PAX5: variants seen among roughly 807,000 people sequenced by gnomAD.
PAX5 encodes the protein paired box 5.
PAX5 carries 9 observed loss-of-function variants against 43.7 expected under a neutral mutation model. The ratio of observed to expected loss-of-function variants is 0.21; its 90% CI spans 0.12 to 0.36. The LOEUF is 0.36. PAX5 is among the 10% of genes least tolerant of loss of function. PAX5 has a pLI of 1.00. For missense variants in PAX5, 383 were observed against 532.7 expected (o/e 0.72, Z 2.77); for synonymous variants, 228 against 214.3 (o/e 1.06, Z -0.56).
chr9:36,856,230 G>T (rs752961702), intron 8 of PAX5, among the ~76,000 whole-genome samples: 18 of 152,246 alleles, frequency 1.2e-4, no homozygotes, highest in Non-Finnish European at 2.4e-4. Context: ...AACAGAAAAG[G>T]TCGTGAAATC....
chr9:36,966,101 G>A (rs760503973), intron 6 of PAX5, among the ~76,000 whole-genome samples: 1 of 152,164 alleles, frequency 6.6e-6, no homozygotes, highest in Non-Finnish European at 1.5e-5. Flanking sequence ...CTGGTGAGAG[G>A]GCAGACAGTG....
At chr9:36,992,077 T>C (rs959033987) in intron 5 of PAX5, among the ~76,000 whole-genome samples, 10 of 151,970 alleles carry the variant, frequency 6.6e-5, no homozygotes, top group African/African-American at 2.4e-4. Context: ...AACTAGAAAT[T>C]TCAAAGTAAA....
In PAX5 at chr9:36,869,810, A is replaced by AGATG. The variant is rs1378193665; in HGVS notation, c.1012+12190_1012+12193dup. On this transcript the variant is annotated intron_variant, in intron 8 of 9. Coordinates refer to ENST00000358127, the MANE Select transcript of PAX5 (RefSeq NM_016734.3). ...ATAGTGGATGGATGGGTGGATAAAT[A>AGATG]GATGGATGGATGGATGAATAGATGG... Among the ~76,000 whole-genome samples, 2 of 150,704 alleles carry AGATG rather than the reference A, an allele frequency of 1.3e-5. 1 individual carries two copies. Among genetic ancestry groups the AGATG allele is most frequent in the Non-Finnish European group, 3.0e-5 (2 of 67,244 alleles).
chr9:36,851,885 T>C (rs1317932749), intron 8 of PAX5, among the ~76,000 whole-genome samples: 1 of 152,140 alleles, frequency 6.6e-6, no homozygotes, highest in African/African-American at 2.4e-5. Flanking sequence ...ACACCCAAGG[T>C]GTGCTCTGCT....
chr9:36,872,105 A>G (rs1174633111), intron 8 of PAX5, among the ~76,000 whole-genome samples: 2 of 152,136 alleles, frequency 1.3e-5, no homozygotes, highest in Admixed American at 1.3e-4. Context: ...CAGGTGCACA[A>G]GCCCCAAAAG....
At chr9:36,868,004 G>C (rs1825066789) in intron 8 of PAX5, among the ~76,000 whole-genome samples, 1 of 152,342 alleles carries the variant, frequency 6.6e-6, no homozygotes, top group Non-Finnish European at 1.5e-5. Context: ...GGAGGACAAT[G>C]AGAGTGACAG....
At chr9:36,864,990 G>T (rs534748727) in intron 8 of PAX5, among the ~76,000 whole-genome samples, 1 of 152,230 alleles carries the variant, frequency 6.6e-6, no homozygotes, top group African/African-American at 2.4e-5. Flanking sequence ...GAGAGGCACC[G>T]CGGCCTTCCC....
intron 6 of PAX5, among the ~76,000 whole-genome samples, chr9:36,925,211 G>A (rs1224561259): frequency 2.0e-5 from 3 of 152,140 alleles, no homozygotes; most frequent in Non-Finnish European, 4.4e-5. Context: ...GAGTCCAGGA[G>A]GTGCTGCAGG....
chr9:36,873,313 CT>C (rs1389298793), intron 8 of PAX5, among the ~76,000 whole-genome samples: 3 of 152,220 alleles, frequency 2.0e-5, no homozygotes, highest in Non-Finnish European at 2.9e-5. Context: ...AGCTCCACCC[CT>C]AGCCCACAAT....
At chr9:36,861,274 C>A (rs1013191643) in intron 8 of PAX5, 1 of 151,484 alleles carries the variant, frequency 6.6e-6, no homozygotes, top group South Asian at 2.1e-4. Flanking sequence ...TGCAGACAGT[C>A]GCAATTTCAT....
chr9:36,953,841 G>A (rs903167970), intron 6 of PAX5, among the ~76,000 whole-genome samples: 2 of 152,138 alleles, frequency 1.3e-5, no homozygotes, highest in South Asian at 2.1e-4. Context: ...GGGGGGCCAA[G>A]GCAGGTTGAT....
intron 7 of PAX5, among the ~76,000 whole-genome samples, chr9:36,899,655 A>T (rs1426100972): frequency 6.6e-6 from 1 of 151,780 alleles, no homozygotes; most frequent in Non-Finnish European, 1.5e-5. Context: ...CTGCCAGCCA[A>T]CCCCCAGGAC....
At chr9:37,011,447 G>A (rs2132451230) in intron 3 of PAX5, among the ~76,000 whole-genome samples, 1 of 152,238 alleles carries the variant, frequency 6.6e-6, no homozygotes, top group Non-Finnish European at 1.5e-5. Context: ...AGCTGGGAGT[G>A]CCACTTGTAC....
chr9:36,955,864 G>C (rs1833427893), intron 6 of PAX5, among the ~76,000 whole-genome samples: 1 of 151,280 alleles, frequency 6.6e-6, no homozygotes, highest in Non-Finnish European at 1.5e-5. Context: ...GTTTGCAATA[G>C]GAGAGCCTAC....
intron 1 of PAX5, among the ~76,000 whole-genome samples, chr9:37,031,557 A>G (rs1272353291): frequency 6.6e-6 from 1 of 152,114 alleles, no homozygotes; most frequent in Non-Finnish European, 1.5e-5. Context: ...AAGGGGGTCC[A>G]TGGAGAGAGG....
chr9:36,878,934 T>C (rs1826155770), intron 8 of PAX5, among the ~76,000 whole-genome samples: 1 of 151,938 alleles, frequency 6.6e-6, no homozygotes, highest in Non-Finnish European at 1.5e-5. Flanking sequence ...GCAAGGAGGC[T>C]GGGGCAAGAG....
chr9:36,930,547 A>C (rs990979267), intron 6 of PAX5, among the ~76,000 whole-genome samples: 1 of 152,086 alleles, frequency 6.6e-6, no homozygotes, highest in African/African-American at 2.4e-5. Context: ...TTTTATCTGC[A>C]TCATTGATAG....
At chr9:36,868,711 C>T (rs2131692065) in intron 8 of PAX5, among the ~76,000 whole-genome samples, 1 of 152,240 alleles carries the variant, frequency 6.6e-6, no homozygotes, top group South Asian at 2.1e-4. Flanking sequence ...TCTCAATTTC[C>T]TCTCAGTCTC....
At chr9:37,002,621 C>A in intron 5 of PAX5, 27 bp downstream of exon 5, 1 of 1,599,338 alleles carries the variant, frequency 6.3e-7, no homozygotes, top group Non-Finnish European at 8.5e-7. Context: ...AGCGCATCCC[C>A]GACGGGGCTG....
Sources: allele counts gnomAD v4.1 joint callset (sites outside exome capture counted in the v4.1 genomes callset), GRCh38; gene constraint gnomAD v4.1.1; transcripts MANE v1.5; gene names NCBI Gene and HGNC (gene_info 2026-07-23, HGNC 2026-07-21).